The following ATG2B variants were observed in gnomAD, a reference collection of about 807,000 sequenced individuals.
ATG2B encodes the protein autophagy related 2B.
ATG2B carries 121 observed loss-of-function variants against 241.3 expected under a neutral mutation model. The observed-to-expected ratio is 0.50, with a 90% CI of 0.43 to 0.58. ATG2B has a LOEUF of 0.58. ATG2B is among the 20% of genes least tolerant of loss of function. The pLI is 0.00. For missense variants in ATG2B, 2,306 were observed against 2,491.6 expected, an observed-to-expected ratio of 0.93 and a Z score of 1.59; for synonymous variants, 858 against 876.6, an observed-to-expected ratio of 0.98 and a Z score of 0.37.
In ATG2B at chr14:96,289,130, T is replaced by C. The variant is rs1031336461; in HGVS notation, c.6006+526A>G. On this transcript the variant is annotated intron_variant, in intron 41 of 41. Transcript: ENST00000359933. This position sits in a 1 kb window ranked among gnomAD's most constrained non-coding sequence, Gnocchi z 4.3. ...GAAATAAGTTGCAGAATGAGACACA[T>C]AACACCATTTACGGAAACTTTTAAA... Among the ~76,000 whole-genome samples, 1 of 152,208 alleles carries C rather than the reference T, an allele frequency of 6.6e-6. No homozygotes were observed. The highest frequency in any genetic ancestry group is 6.5e-5 in the Admixed American group (1 of 15,274).
intron 34 of ATG2B, 119 bp from the exon 35 acceptor site, chr14:96,295,679 T>C: frequency 1.7e-6 from 1 of 605,366 alleles, no homozygotes. Flanking sequence ...AGCTACAATT[T>C]ATTGAATTCT....
chr14:96,359,150 C>G (rs1309501018), intron 1 of ATG2B, among the ~76,000 whole-genome samples: 1 of 151,902 alleles, frequency 6.6e-6, no homozygotes, highest in Non-Finnish European at 1.5e-5. Context: ...CATGGGCAGA[C>G]TGCTTGAGTC....
rs1161591101 is a variant in ATG2B, at chr14:96,308,229, TACATATATATATATATATATATACAC to T, written c.4303+1198_4303+1223del. The stretch of plus-strand genomic sequence containing the variant: ...ATATATAAATACATAAATATATATA[TACATATATATATATATATATATACAC>T]ACATATATATATATATATATATATA... On this transcript the variant is annotated intron_variant, in intron 29 of 41. Coordinates refer to ENST00000359933, the MANE Select transcript of ATG2B (RefSeq NM_018036.7). 7.8e-3 allele frequency among the ~76,000 whole-genome samples: 399 copies of T among 50,906 alleles called. 16 individuals carry two copies. The highest frequency in any genetic ancestry group is 0.023 in the African/African-American group (288 of 12,356). The allele number at this position is 50,906 out of a possible 152,430, so 33.4% of individuals were successfully genotyped here. A position where few individuals can be genotyped will look rare whatever the true frequency, so the allele number is the denominator to read the frequency against.
intron 4 of ATG2B, among the ~76,000 whole-genome samples, chr14:96,344,165 T>C (rs1888113604): frequency 6.6e-6 from 1 of 152,224 alleles, no homozygotes; most frequent in African/African-American, 2.4e-5. Flanking sequence ...CGTACTTATA[T>C]TTTTTTAAGT....
chr14:96,304,616 A>T lies in ATG2B; in HGVS notation c.4734-13T>A. 1 of 399,512 alleles carries T rather than the reference A, an allele frequency of 2.5e-6. No homozygotes were observed. The highest frequency in any genetic ancestry group is 3.3e-6 in the Non-Finnish European group (1 of 302,018). 24.7% of individuals were successfully genotyped at this position (399,512 alleles called of 1,614,324 possible). A position where few individuals can be genotyped will look rare whatever the true frequency, so the allele number is the denominator to read the frequency against. On this transcript the variant is annotated splice_polypyrimidine_tract_variant and intron_variant, in intron 31 of 41. Coordinates refer to ENST00000359933, the MANE Select transcript of ATG2B (RefSeq NM_018036.7). ...ACTGTGGGGACTACTAAAAATGAGC[A>T]AAAAAAAAAAAAACCCTTTTGTTAA...
At chr14:96,308,034 ACT>A (rs78794858) in intron 29 of ATG2B, among the ~76,000 whole-genome samples, 37,133 of 150,260 alleles carry the variant, frequency 0.25, 4,824 homozygotes, top group Non-Finnish European at 0.28. Flanking sequence ...CCTCAGAATT[ACT>A]CATCCTTACA....
rs1886250647 is a variant in ATG2B at position 96,283,365 on chromosome 14, T to G, written c.*2390A>C. On this transcript the variant is annotated 3_prime_UTR_variant, in exon 42 of 42. Coordinates refer to ENST00000359933, the MANE Select transcript of ATG2B (RefSeq NM_018036.7). ...GTATTGCTCTGAGAGATCTGAGATC[T>G]AAGGTGGCCCCTGGCTGCTCCGCGT... 6.6e-6 allele frequency: 1 copy of G among 152,318 alleles called. No homozygotes were observed. The highest frequency in any genetic ancestry group is 2.1e-4 in the South Asian group (1 of 4,832). The allele number at this position is 152,318 out of a possible 1,614,324, so 9.4% of individuals were successfully genotyped here. A position where few individuals can be genotyped will look rare whatever the true frequency, so the allele number is the denominator to read the frequency against.
chr14:96,340,071 TG>T (rs1566731427), intron 6 of ATG2B, among the ~76,000 whole-genome samples: 34 of 69,598 alleles, frequency 4.9e-4, no homozygotes, highest in African/African-American at 1.2e-3. Flanking sequence ...ATGCTATATG[TG>T]ATATGATATA....
At chr14:96,286,358 G>GT (rs555044903) in intron 41 of ATG2B, among the ~76,000 whole-genome samples, 1 of 152,136 alleles carries the variant, frequency 6.6e-6, no homozygotes, top group Non-Finnish European at 1.5e-5. Context: ...TATGGTGATA[G>GT]TTCCCTTTGA....
chr14:96,293,853 TA>T (rs1309678004), intron 36 of ATG2B, among the ~76,000 whole-genome samples: 34 of 146,766 alleles, frequency 2.3e-4, no homozygotes, highest in Admixed American at 2.7e-4. Flanking sequence ...TCCTCTGGGC[TA>T]AAAAAAAAAG....
chr14:96,293,009 C>T (rs910439131), intron 36 of ATG2B: 5 of 152,054 alleles, frequency 3.3e-5, no homozygotes, highest in Non-Finnish European at 7.4e-5. Flanking sequence ...ATTTTTATTG[C>T]CTTTTTTAAT....
chr14:96,324,000 TA>T lies in ATG2B; in HGVS notation c.2438-3del, dbSNP rs34296665. The T allele has an allele frequency of 3.3e-4, 502 of 1,517,780 alleles. No homozygotes were observed. The highest frequency in any genetic ancestry group is 8.2e-4 in the Admixed American group (42 of 51,416). The allele number at this position is 1,517,780 out of a possible 1,614,324, so 94.0% of individuals were successfully genotyped here. A position where few individuals can be genotyped will look rare whatever the true frequency, so the allele number is the denominator to read the frequency against. ...CTCCTTTCTCTTCCTGGAACGATCC[TA>T]AAAAAAAAGACTGATTTACTGAAAT... On this transcript the variant is annotated splice_polypyrimidine_tract_variant and splice_region_variant and intron_variant, in intron 15 of 41. Transcript: ENST00000359933.
In ATG2B at chr14:96,279,989, T is replaced by C. The variant is rs1886155353; in HGVS notation, c.*5766A>G. 1 of 152,446 alleles carries C rather than the reference T, an allele frequency of 6.6e-6. No homozygotes were observed. The highest frequency in any genetic ancestry group is 2.4e-5 in the African/African-American group (1 of 41,562). 9.4% of individuals were successfully genotyped at this position (152,446 alleles called of 1,614,324 possible). A position where few individuals can be genotyped will look rare whatever the true frequency, so the allele number is the denominator to read the frequency against. On this transcript the variant is annotated 3_prime_UTR_variant, in exon 42 of 42. Coordinates refer to ENST00000359933, the MANE Select transcript of ATG2B (RefSeq NM_018036.7). ...ACCCGACTTTAGCCCCATTCTGAGA[T>C]TTTGCTTTAATCAGTGTTGACTGTG...
intron 17 of ATG2B, 40 bp downstream of exon 17, chr14:96,322,500 A>G (rs1887485599): frequency 7.7e-6 from 12 of 1,560,360 alleles, no homozygotes; most frequent in Non-Finnish European, 1.0e-5. Flanking sequence ...ATGACAGAGA[A>G]TAATAGTATT....
chr14:96,344,573 C>A, intron 4 of ATG2B, 81 bp downstream of exon 4: 2 of 649,278 alleles, frequency 3.1e-6, no homozygotes, highest in Non-Finnish European at 2.6e-6. Context: ...ATATCATTAG[C>A]TCTAATCTCC....
intron 32 of ATG2B, 35 bp from the exon 33 acceptor site, chr14:96,303,290 C>T: frequency 7.2e-7 from 1 of 1,383,058 alleles, no homozygotes; most frequent in East Asian, 2.6e-5. Flanking sequence ...CGGAACAGTT[C>T]TTTACATTCC....
intron 16 of ATG2B, 68 bp from the exon 17 acceptor site, chr14:96,322,803 C>T (rs1273610307): frequency 1.6e-6 from 2 of 1,217,852 alleles, no homozygotes. Context: ...AACTTTTGTG[C>T]AAATTAATAC....
In ATG2B at chr14:96,329,375, C is replaced by T. The variant is rs1028450533; in HGVS notation, c.1881+109G>A. The T allele has an allele frequency of 1.2e-4, 82 of 677,842 alleles. 1 individual carries two copies. The Admixed American group carries it at 2.3e-3, about 19-fold the overall frequency. The allele number at this position is 677,842 out of a possible 1,614,324, so 42.0% of individuals were successfully genotyped here. A position where few individuals can be genotyped will look rare whatever the true frequency, so the allele number is the denominator to read the frequency against. ...GTGCAAAAAGAAAATGACAATATTC[C>T]TCCTATGGCTTTCTATACATTTTTA... On this transcript the variant is annotated intron_variant, in intron 12 of 41. Transcript: ENST00000359933.
chr14:96,305,951 C>T lies in ATG2B; in HGVS notation c.4507-136G>A, dbSNP rs530411581. The T allele has an allele frequency of 2.0e-4, 130 of 664,280 alleles. No individual in the cohort carries two copies. In the African/African-American group the frequency reaches 2.3e-3, roughly 12 times the overall value. 41.1% of individuals were successfully genotyped at this position (664,280 alleles called of 1,614,324 possible). On this transcript the variant is annotated intron_variant, in intron 30 of 41. Transcript: ENST00000359933. ...GTATATAAAATAAGGTGATGGTTAC[C>T]GACATTAGTCACCACAAAGATATTC...
Sources: allele counts gnomAD v4.1 joint callset (sites outside exome capture counted in the v4.1 genomes callset), GRCh38; gene constraint gnomAD v4.1.1; non-coding constraint Gnocchi (gnomAD v3.1); transcripts MANE v1.5; gene names NCBI Gene and HGNC (gene_info 2026-07-23, HGNC 2026-07-21).